Variants in PREX2 observed in about 807,000 individuals in gnomAD.
The protein encoded by PREX2 is phosphatidylinositol-3,4,5-trisphosphate dependent Rac exchange factor 2.
In PREX2, 107 loss-of-function variants were observed where a neutral mutation model predicts 203.2. The observed-to-expected ratio is 0.53, with a 90% CI of 0.45 to 0.62. PREX2 has a LOEUF of 0.62. PREX2 is among the 20% of genes least tolerant of loss of function. PREX2 has a pLI of 0.00. For synonymous variants in PREX2, 672 were observed against 663.6 expected (o/e 1.01, Z -0.19); for missense variants, 1,777 against 1,955.9 (o/e 0.91, Z 1.72).
rs1037451462 is a variant in PREX2 at position 68,169,386 on chromosome 8, G to A, written c.4346+11950G>A. ...AGTCAATGAATTTCACTACAATTATGGAGTTTGTTCCAGAGATGTGGAACA... is the reference window on the plus strand; with the variant it reads ...AGTCAATGAATTTCACTACAATTATAGAGTTTGTTCCAGAGATGTGGAACA... On this transcript the variant is annotated intron_variant, in intron 35 of 39. Coordinates refer to ENST00000288368, the MANE Select transcript of PREX2 (RefSeq NM_024870.4). Among the ~76,000 whole-genome samples the A allele has an allele frequency of 3.9e-5, 6 of 152,052 alleles. No individual in the cohort carries two copies. In the East Asian group the frequency reaches 1.2e-3, roughly 30 times the overall value.
intron 1 of PREX2, among the ~76,000 whole-genome samples, chr8:67,961,277 A>G (rs1021272516): frequency 2.0e-5 from 3 of 151,836 alleles, no homozygotes; most frequent in African/African-American, 7.2e-5. Flanking sequence ...ATTTCTTTAA[A>G]CATTTTATTT....
intron 1 of PREX2, among the ~76,000 whole-genome samples, chr8:68,016,117 A>G (rs902266471): frequency 6.6e-6 from 1 of 152,194 alleles, no homozygotes; most frequent in East Asian, 1.9e-4. Flanking sequence ...CTCTTTTGAT[A>G]TAAGTTATAA....
rs958343527 is a variant in PREX2 at position 67,952,380 on chromosome 8, G to T, written c.-15G>T. ...AGCACGGCGGGCAGCGCCGCGCTGCGCACCGCCGCCGACCATGAGCGAGGA... is the reference window on the plus strand; with the variant it reads ...AGCACGGCGGGCAGCGCCGCGCTGCTCACCGCCGCCGACCATGAGCGAGGA... On this transcript the variant is annotated 5_prime_UTR_variant, in exon 1 of 40. Transcript: ENST00000288368. 6.6e-7 allele frequency: 1 copy of T among 1,524,258 alleles called. No individual in the cohort carries two copies. The highest frequency in any genetic ancestry group is 1.4e-5 in the African/African-American group (1 of 69,560). The allele number at this position is 1,524,258 out of a possible 1,614,324, so 94.4% of individuals were successfully genotyped here.
rs10093734 is a variant in PREX2 at position 67,952,322 on chromosome 8, G to T, written c.-73G>T. ...CAACTTTCCATTCTCGCCGCCGGGGGCCGGGCAGCAGCGGGCGCGCGGGTC... is the reference window on the plus strand; with the variant it reads ...CAACTTTCCATTCTCGCCGCCGGGGTCCGGGCAGCAGCGGGCGCGCGGGTC... On this transcript the variant is annotated 5_prime_UTR_variant, in exon 1 of 40. Coordinates refer to ENST00000288368, the MANE Select transcript of PREX2 (RefSeq NM_024870.4). 4.7e-6 allele frequency: 6 copies of T among 1,269,598 alleles called. No individual in the cohort carries two copies. The South Asian group carries it at 8.3e-5, about 18-fold the overall frequency. 78.6% of individuals were successfully genotyped at this position (1,269,598 alleles called of 1,614,324 possible). A position where few individuals can be genotyped will look rare whatever the true frequency, so the allele number is the denominator to read the frequency against.
chr8:68,071,697 G>A (rs1393838455), intron 13 of PREX2, among the ~76,000 whole-genome samples: 2 of 152,124 alleles, frequency 1.3e-5, no homozygotes, highest in African/African-American at 2.4e-5. Flanking sequence ...AGAGTCTGAG[G>A]TGGAGAGCCA....
chr8:68,035,862 G>T (rs1175156554), intron 6 of PREX2, among the ~76,000 whole-genome samples: 1 of 152,162 alleles, frequency 6.6e-6, no homozygotes, highest in African/African-American at 2.4e-5. Flanking sequence ...GTCAGATTCA[G>T]TAAAACACAA....
chr8:67,978,129 T>A (rs1220577738), intron 1 of PREX2, among the ~76,000 whole-genome samples: 1 of 152,186 alleles, frequency 6.6e-6, no homozygotes, highest in African/African-American at 2.4e-5. Flanking sequence ...CTGTGGAATC[T>A]GACGCTATCT....
chr8:68,076,685 TCACACA>T (rs57701553), intron 14 of PREX2, among the ~76,000 whole-genome samples: 45 of 143,800 alleles, frequency 3.1e-4, no homozygotes, highest in African/African-American at 4.9e-4. Context: ...AACTCTAAGG[TCACACA>T]CACACACACA....
At chr8:68,142,059 C>T (rs1315184076) in intron 33 of PREX2, among the ~76,000 whole-genome samples, 2 of 152,082 alleles carry the variant, frequency 1.3e-5, no homozygotes, top group Admixed American at 6.6e-5. Context: ...ACATGTACAG[C>T]CTCCCCAGCT....
At chr8:68,089,271 G>A (rs925698946) in intron 19 of PREX2, among the ~76,000 whole-genome samples, 5 of 152,040 alleles carry the variant, frequency 3.3e-5, no homozygotes, top group Admixed American at 2.0e-4. Flanking sequence ...CTTCTACTGG[G>A]CCCGTATTAC....
chr8:68,132,207 G>A (rs1811022941), intron 31 of PREX2, among the ~76,000 whole-genome samples: 1 of 151,968 alleles, frequency 6.6e-6, no homozygotes, highest in Admixed American at 6.6e-5. Context: ...CATTGACTTA[G>A]TAAACATTTG....
chr8:68,060,628 T>C, intron 10 of PREX2, 51 bp from the exon 11 acceptor site: 1 of 1,292,118 alleles, frequency 7.7e-7, no homozygotes, highest in South Asian at 1.3e-5. Context: ...TAGAAAGACT[T>C]GCTGGGGAAA....
At chr8:68,223,755 T>C (rs1279285197) in intron 38 of PREX2, among the ~76,000 whole-genome samples, 1 of 152,180 alleles carries the variant, frequency 6.6e-6, no homozygotes, top group Non-Finnish European at 1.5e-5. Context: ...CAAAGTAGAT[T>C]TTATTATAAA....
chr8:67,997,782 A>G (rs1225717593), intron 1 of PREX2, among the ~76,000 whole-genome samples: 1 of 152,166 alleles, frequency 6.6e-6, no homozygotes, highest in Non-Finnish European at 1.5e-5. Flanking sequence ...ATATCTTAAA[A>G]TATATATTGT....
intron 1 of PREX2, among the ~76,000 whole-genome samples, chr8:67,997,343 G>T (rs1427380414): frequency 1.3e-5 from 2 of 151,986 alleles, no homozygotes; most frequent in African/African-American, 4.8e-5. Flanking sequence ...AACCCTATAT[G>T]CTGTTTCCCC....
At chr8:67,954,223 ATC>A (rs1235666955) in intron 1 of PREX2, among the ~76,000 whole-genome samples, 1 of 152,168 alleles carries the variant, frequency 6.6e-6, no homozygotes, top group Non-Finnish European at 1.5e-5. Context: ...ATTTCTTTTT[ATC>A]TCTTTCAGAA....
Position 68,206,296 on chromosome 8 carries a change from C to T in PREX2, c.4605-11320C>T, listed in dbSNP as rs115445568. On this transcript the variant is annotated intron_variant, in intron 37 of 39. Transcript: ENST00000288368. Reference sequence around the variant, plus strand: ...GCAGCGTATGTGAAAACAGCTAGTACAGTTCTAGCATTCCTGACTACTCAG... The same window carrying T: ...GCAGCGTATGTGAAAACAGCTAGTATAGTTCTAGCATTCCTGACTACTCAG... 2.7e-3 allele frequency among the ~76,000 whole-genome samples: 405 copies of T among 152,298 alleles called. 1 individual carries two copies. The highest frequency in any genetic ancestry group is 9.3e-3 in the African/African-American group (385 of 41,566).
rs933232900 is a variant in PREX2, at chr8:68,232,144, G to C, written c.*766G>C. 1 of 152,144 alleles carries C rather than the reference G, an allele frequency of 6.6e-6. No homozygotes were observed. Among genetic ancestry groups the C allele is most frequent in the Non-Finnish European group, 1.5e-5 (1 of 68,062 alleles). 9.4% of individuals were successfully genotyped at this position (152,144 alleles called of 1,614,324 possible). A position where few individuals can be genotyped will look rare whatever the true frequency, so the allele number is the denominator to read the frequency against. On this transcript the variant is annotated 3_prime_UTR_variant, in exon 40 of 40. Transcript: ENST00000288368. Reference sequence around the variant, plus strand: ...TGGGTGCTGTGCCATAATGGCCCTGGGGATCAGGGAAGTGCCCTGGGGATC... The same window carrying C: ...TGGGTGCTGTGCCATAATGGCCCTGCGGATCAGGGAAGTGCCCTGGGGATC...
intron 15 of PREX2, among the ~76,000 whole-genome samples, chr8:68,079,599 G>A (rs1301735279): frequency 6.6e-6 from 1 of 151,932 alleles, no homozygotes; most frequent in African/African-American, 2.4e-5. Context: ...TTTAGTCTCT[G>A]GCTTAATGAA....
Sources: allele counts gnomAD v4.1 joint callset (sites outside exome capture counted in the v4.1 genomes callset), GRCh38; gene constraint gnomAD v4.1.1; transcripts MANE v1.5; gene names NCBI Gene and HGNC (gene_info 2026-07-23, HGNC 2026-07-21).